SYT10: variants seen among roughly 807,000 people sequenced by gnomAD.
The protein encoded by SYT10 is synaptotagmin 10, also known as synaptotagmin-10.
A neutral mutation model predicts 51.1 loss-of-function variants in SYT10; 31 were observed. That is an observed-to-expected ratio of 0.61 (90% CI 0.46 to 0.82). SYT10 has a LOEUF of 0.82. SYT10 is among the 40% of genes least tolerant of loss of function. The pLI, the probability that SYT10 is intolerant of heterozygous loss-of-function variation, is 0.00. For synonymous variants in SYT10, 233 were observed against 225.9 expected, an observed-to-expected ratio of 1.03 and a Z score of -0.28; for missense variants, 603 against 634.0, an observed-to-expected ratio of 0.95 and a Z score of 0.53.
At chr12:33,426,098 ACG>A (rs1491453592) in intron 2 of SYT10, 38 bp downstream of exon 2, 43 of 1,501,164 alleles carry the variant, frequency 2.9e-5, no homozygotes, top group African/African-American at 4.3e-5. Flanking sequence ...ACACACACAC[ACG>A]CACACACACC....
chr12:33,377,629 CTT>C (rs375275079), intron 6 of SYT10, among the ~76,000 whole-genome samples: 7 of 113,986 alleles, frequency 6.1e-5, no homozygotes, highest in Non-Finnish European at 3.5e-5. Context: ...TTTTCTTTTT[CTT>C]TTTTTTTTTT....
At chr12:33,423,888 G>A (rs1286582835) in intron 2 of SYT10, 1 of 453,154 alleles carries the variant, frequency 2.2e-6, no homozygotes, top group African/African-American at 2.0e-5. Context: ...CACATGTCAT[G>A]GGGATAATTA....
At position 33,374,630 on chromosome 12, in the gene SYT10, G is replaced by A. The variant is rs995539147; in HGVS notation, c.*2200C>T. The A allele has an allele frequency of 6.6e-6, 1 of 151,792 alleles. No homozygotes were observed. Among genetic ancestry groups the A allele is most frequent in the South Asian group, 2.1e-4 (1 of 4,824 alleles). The allele number at this position is 151,792 out of a possible 1,614,324, so 9.4% of individuals were successfully genotyped here. ...GATGAGTTGTGGTGAATTTCCTCTC[G>A]CTGATCTCTTTCTCAGGATTAACAC... On this transcript the variant is annotated 3_prime_UTR_variant, in exon 7 of 7. Coordinates refer to ENST00000228567, the MANE Select transcript of SYT10 (RefSeq NM_198992.4).
intron 1 of SYT10, among the ~76,000 whole-genome samples, chr12:33,438,993 C>T (rs1279794989): frequency 3.9e-5 from 6 of 152,208 alleles, no homozygotes; most frequent in Non-Finnish European, 5.9e-5. Flanking sequence ...ACAGGTGAGC[C>T]GCCCCCACAA....
At chr12:33,417,225 T>C (rs892253800) in intron 2 of SYT10, among the ~76,000 whole-genome samples, 1 of 152,134 alleles carries the variant, frequency 6.6e-6, no homozygotes, top group Non-Finnish European at 1.5e-5. Context: ...GACTAGGGCA[T>C]AAGGGCTCTG....
chr12:33,433,665 GA>G (rs1202944034), intron 1 of SYT10, among the ~76,000 whole-genome samples: 2 of 152,052 alleles, frequency 1.3e-5, no homozygotes, highest in East Asian at 3.9e-4. Context: ...AGTCAAGTAA[GA>G]AAAATGAAAA....
At chr12:33,386,914 AC>A in intron 3 of SYT10, among the ~76,000 whole-genome samples, 1 of 152,324 alleles carries the variant, frequency 6.6e-6, no homozygotes, top group South Asian at 2.1e-4. Flanking sequence ...TGTCCACAGT[AC>A]CCTGATATAG....
At chr12:33,429,381 GA>G (rs1866579520) in intron 1 of SYT10, among the ~76,000 whole-genome samples, 1 of 152,202 alleles carries the variant, frequency 6.6e-6, no homozygotes, top group Non-Finnish European at 1.5e-5. Context: ...AAGAGCATGA[GA>G]AAAGTTTGAA....
intron 4 of SYT10, 91 bp from the exon 5 acceptor site, chr12:33,382,611 A>G (rs921369830): frequency 1.6e-6 from 2 of 1,225,312 alleles, no homozygotes; most frequent in African/African-American, 3.1e-5. Flanking sequence ...TAAGACCTAT[A>G]GTACTAAGGC....
intron 1 of SYT10, among the ~76,000 whole-genome samples, chr12:33,433,701 T>C (rs1866614901): frequency 6.6e-6 from 1 of 152,182 alleles, no homozygotes; most frequent in Non-Finnish European, 1.5e-5. Context: ...ATTTGGATGA[T>C]AGAAAATCTA....
chr12:33,421,264 CAG>C (rs1866502449), intron 2 of SYT10, among the ~76,000 whole-genome samples: 1 of 152,102 alleles, frequency 6.6e-6, no homozygotes, highest in South Asian at 2.1e-4. Context: ...ACATATAAGT[CAG>C]TGATTTCTTC....
chr12:33,394,161 C>A (rs1172913065), intron 3 of SYT10, among the ~76,000 whole-genome samples: 2 of 152,122 alleles, frequency 1.3e-5, no homozygotes, highest in Non-Finnish European at 2.9e-5. Flanking sequence ...TTGATAGGTG[C>A]CAGCTTCCTT....
At chr12:33,388,068 A>G (rs1343744807) in intron 3 of SYT10, among the ~76,000 whole-genome samples, 1 of 152,128 alleles carries the variant, frequency 6.6e-6, no homozygotes, top group East Asian at 1.9e-4. Context: ...AATTAATAGC[A>G]GTAAGTTTAG....
chr12:33,386,868 CTT>C, intron 3 of SYT10, among the ~76,000 whole-genome samples: 1 of 152,242 alleles, frequency 6.6e-6, no homozygotes. Context: ...CTGGATAAAA[CTT>C]GACCTGTTTT....
At chr12:33,377,119 G>A (rs1866069641) in intron 6 of SYT10, among the ~76,000 whole-genome samples, 2 of 152,164 alleles carry the variant, frequency 1.3e-5, no homozygotes, top group South Asian at 4.1e-4. Flanking sequence ...GTACACAGAT[G>A]TACATGGAGC....
intron 1 of SYT10, among the ~76,000 whole-genome samples, chr12:33,438,618 G>A (rs1414259916): frequency 1.3e-5 from 2 of 152,274 alleles, no homozygotes; most frequent in East Asian, 1.9e-4. Flanking sequence ...GTTTCCTGAA[G>A]GGTAGGGAGG....
At chr12:33,391,808 G>T (rs943046343) in intron 3 of SYT10, among the ~76,000 whole-genome samples, 7 of 152,112 alleles carry the variant, frequency 4.6e-5, no homozygotes, top group Non-Finnish European at 4.4e-5. Flanking sequence ...TAAGGTGAAT[G>T]TTCATACAAA....
chr12:33,403,601 G>A (rs1866325345), intron 3 of SYT10, among the ~76,000 whole-genome samples: 1 of 152,104 alleles, frequency 6.6e-6, no homozygotes, highest in African/African-American at 2.4e-5. Flanking sequence ...TGTCTGCATA[G>A]TTTGATTTGC....
intron 3 of SYT10, among the ~76,000 whole-genome samples, chr12:33,403,713 T>A (rs1298542616): frequency 2.6e-5 from 4 of 152,192 alleles, no homozygotes; most frequent in Admixed American, 6.5e-5. Context: ...CTCAATAATT[T>A]CTGCATGAAA....
Sources: allele counts gnomAD v4.1 joint callset (sites outside exome capture counted in the v4.1 genomes callset), GRCh38; gene constraint gnomAD v4.1.1; transcripts MANE v1.5; gene names NCBI Gene and HGNC (gene_info 2026-07-23, HGNC 2026-07-21).